The following ZNF674 variants were observed in gnomAD, a reference collection of about 807,000 sequenced individuals.
ZNF674 encodes the protein zinc finger family member 674.
A neutral mutation model predicts 7.0 loss-of-function variants in ZNF674; 2 were observed. The observed-to-expected ratio is 0.29, with a 90% CI of 0.12 to 0.90. The LOEUF (loss-of-function observed/expected upper bound fraction) is 0.90. ZNF674 is among the 40% of genes least tolerant of loss of function. ZNF674 has a pLI of 0.57. For missense variants in ZNF674, 297 were observed against 415.5 expected, an observed-to-expected ratio of 0.71 and a Z score of 2.48; for synonymous variants, 103 against 145.2, an observed-to-expected ratio of 0.71 and a Z score of 2.09.
intron 3 of ZNF674, among the ~76,000 whole-genome samples, chrX:46,539,140 G>C (rs1005307179): frequency 2.7e-5 from 3 of 112,103 alleles, no homozygotes; most frequent in Non-Finnish European, 5.6e-5. Flanking sequence ...AGCTGTGATC[G>C]TGCCACCATA....
chrX:46,521,867 C>T (rs937317635), intron 5 of ZNF674, among the ~76,000 whole-genome samples: 8 of 107,198 alleles, frequency 7.5e-5, no homozygotes, highest in African/African-American at 2.0e-4. Flanking sequence ...CTACCCTGGG[C>T]GACAGAGCAA....
chrX:46,542,088 CTTG>C lies in ZNF674; in HGVS notation c.-4_-2del, dbSNP rs1385266778. 5.0e-6 allele frequency: 6 copies of C among 1,197,137 alleles called. No homozygotes were observed. In the Admixed American group the frequency reaches 8.9e-5, roughly 18 times the overall value. ...TAGAACTCACCTGGGACATGGCCAT[CTTG>C]TTGTGCTCCTGCAAAGGATGGAGAT... is the stretch of plus-strand genomic sequence containing the variant. On this transcript the variant is annotated 5_prime_UTR_variant, in exon 3 of 6. Coordinates refer to ENST00000683375, the MANE Select transcript of ZNF674 (RefSeq NM_001190417.2).
chrX:46,521,705 A>AT (rs1456641588), intron 5 of ZNF674, among the ~76,000 whole-genome samples: 1 of 110,024 alleles, frequency 9.1e-6, no homozygotes, highest in Non-Finnish European at 1.9e-5. Context: ...CCTGGCTGAC[A>AT]TGGCAAAACC....
chrX:46,531,281 C>T (rs1363240843), intron 3 of ZNF674, among the ~76,000 whole-genome samples: 1 of 111,712 alleles, frequency 9.0e-6, no homozygotes, highest in Non-Finnish European at 1.9e-5. Context: ...TCCTTTATAA[C>T]AAATAGGGGA....
At chrX:46,526,446 T>G (rs1056440513) in intron 5 of ZNF674, among the ~76,000 whole-genome samples, 1 of 110,598 alleles carries the variant, frequency 9.0e-6, no homozygotes, top group Non-Finnish European at 1.9e-5. Context: ...GGTTGGCAAA[T>G]TTTTTAAATA....
At chrX:46,519,273 TG>T (rs1941855193) in intron 5 of ZNF674, among the ~76,000 whole-genome samples, 6 of 75,080 alleles carry the variant, frequency 8.0e-5, no homozygotes, top group African/African-American at 1.7e-4. Flanking sequence ...TAAAGATAGA[TG>T]ATAGATAGAT....
At chrX:46,541,978 A>T in intron 3 of ZNF674, 95 bp downstream of exon 3, 1 of 753,282 alleles carries the variant, frequency 1.3e-6, no homozygotes. Context: ...ACAGCCAGAG[A>T]AGAGGGGATA....
intron 3 of ZNF674, among the ~76,000 whole-genome samples, chrX:46,532,279 A>T (rs1202997889): frequency 8.9e-6 from 1 of 112,550 alleles, no homozygotes; most frequent in Non-Finnish European, 1.9e-5. Flanking sequence ...ATCTTTTAAT[A>T]GTCTCCTGGT....
In ZNF674 at chrX:46,528,400, C is replaced by G; in HGVS notation, c.188G>C (p.Gly63Ala). 3 of 1,211,822 alleles carry G rather than the reference C, an allele frequency of 2.5e-6. No homozygotes were observed. The highest frequency in any genetic ancestry group is 3.3e-6 in the Non-Finnish European group (3 of 895,577). ...KPDVIFRLGP[G>A]DESWMADGGT... ...TCCATCTGCCATCCAGGACTCGTCACCTGGTCCCAACCTGAAGATCACATC... is the reference window on the plus strand; with the variant it reads ...TCCATCTGCCATCCAGGACTCGTCAGCTGGTCCCAACCTGAAGATCACATC... Residue 63 changes from glycine to alanine, a missense_variant, in exon 5 of 6, where the codon GGT (glycine) becomes GCT (alanine). Transcript: ENST00000683375.
rs757914374 is a variant in ZNF674 at position 46,502,870 on chromosome X, A to ATTTATTAC, written c.239-1536_239-1535insGTAATAAA. Reference sequence around the variant, plus strand: ...TTTATCATTACTACATCACTGTAATAAATCTTACCCATGATTACAACTATA... The same window carrying ATTTATTAC: ...TTTATCATTACTACATCACTGTAATATTTATTACAATCTTACCCATGATTACAACTATA... On this transcript the variant is annotated intron_variant, in intron 5 of 5. Coordinates refer to ENST00000683375, the MANE Select transcript of ZNF674 (RefSeq NM_001190417.2). Among the ~76,000 whole-genome samples the ATTTATTAC allele has an allele frequency of 1.2e-4, 14 of 112,545 alleles. 1 individual carries two copies. Among genetic ancestry groups the ATTTATTAC allele is most frequent in the Admixed American group, 3.8e-4 (4 of 10,582 alleles).
chrX:46,505,135 G>A (rs184586778), intron 5 of ZNF674, among the ~76,000 whole-genome samples: 6 of 110,698 alleles, frequency 5.4e-5, no homozygotes, highest in Admixed American at 1.9e-4. Flanking sequence ...TGATATGACC[G>A]CCTCGGCCTC....
chrX:46,509,853 G>A (rs777614915), intron 5 of ZNF674, among the ~76,000 whole-genome samples: 1,111 of 109,071 alleles, frequency 0.01, 16 homozygotes, highest in African/African-American at 0.035. Flanking sequence ...TGTTTATTGC[G>A]TCATTATTCA....
chrX:46,515,525 A>G lies in ZNF674; in HGVS notation c.238+12825T>C, dbSNP rs376262311. 3.6e-5 allele frequency among the ~76,000 whole-genome samples: 4 copies of G among 112,153 alleles called. No homozygotes were observed. The East Asian group carries it at 8.3e-4, about 23-fold the overall frequency. ...CAAAGAATTGGAAAGAGGAGGGAAT[A>G]CTTCCCAGCTTGTTCTGTGATCTTA... On this transcript the variant is annotated intron_variant, in intron 5 of 5. Coordinates refer to ENST00000683375, the MANE Select transcript of ZNF674 (RefSeq NM_001190417.2).
intron 3 of ZNF674, among the ~76,000 whole-genome samples, chrX:46,541,329 C>T (rs1345447060): frequency 2.0e-5 from 2 of 99,786 alleles, no homozygotes; most frequent in Non-Finnish European, 4.0e-5. Context: ...CCATTGCACT[C>T]TAGCCTGGGC....
intron 5 of ZNF674, among the ~76,000 whole-genome samples, chrX:46,519,255 T>TAGTTA (rs1941843566): frequency 5.4e-5 from 4 of 73,995 alleles, no homozygotes; most frequent in African/African-American, 2.1e-4. Context: ...GATAGATAGA[T>TAGTTA]AGATAGATAA....
chrX:46,511,843 C>T (rs771051172), intron 5 of ZNF674, among the ~76,000 whole-genome samples: 2 of 108,500 alleles, frequency 1.8e-5, no homozygotes, highest in South Asian at 3.9e-4. Context: ...GCCAAGATGG[C>T]GAAACCCTGT....
intron 3 of ZNF674, among the ~76,000 whole-genome samples, chrX:46,536,164 A>G (rs1200922252): frequency 8.9e-6 from 1 of 112,093 alleles, no homozygotes; most frequent in Non-Finnish European, 1.9e-5. Context: ...AAAAAGTAGA[A>G]GAAAGCTCTA....
At chrX:46,526,341 T>A (rs1342525840) in intron 5 of ZNF674, among the ~76,000 whole-genome samples, 2 of 111,649 alleles carry the variant, frequency 1.8e-5, no homozygotes, top group African/African-American at 6.5e-5. Context: ...GGCAGTGGCG[T>A]GATCACGGCT....
chrX:46,513,681 G>A (rs762792147), intron 5 of ZNF674, among the ~76,000 whole-genome samples: 1 of 111,951 alleles, frequency 8.9e-6, no homozygotes, highest in South Asian at 3.7e-4. Flanking sequence ...ATACTATCAA[G>A]TATTTTCCCA....
Sources: gnomAD v4.1 joint callset for allele counts (sites outside exome capture counted in the v4.1 genomes callset) on GRCh38, gnomAD v4.1.1 for gene constraint, MANE v1.5 for transcripts, NCBI Gene and HGNC (gene_info 2026-07-23, HGNC 2026-07-21) for gene names.